The following ZNF10 variants were observed in gnomAD, a reference collection of about 807,000 sequenced individuals.
The protein encoded by ZNF10 is zinc finger protein 10 (KOX 1).
In ZNF10, 8 loss-of-function variants were observed where a neutral mutation model predicts 12.2. The observed-to-expected ratio is 0.66, with a 90% CI of 0.39 to 1.18. The LOEUF (loss-of-function observed/expected upper bound fraction) is 1.18, where lower values mean the gene tolerates loss of function less well. Ranked by LOEUF, ZNF10 falls within the 50% of genes most tolerant of loss-of-function variation. The probability of loss-of-function intolerance (pLI) is 0.01; values close to 1 mark genes in which losing one functional copy is unlikely to be tolerated. For missense variants in ZNF10, 603 were observed against 678.9 expected (o/e 0.89, Z 1.24); for synonymous variants, 229 against 228.2 (o/e 1.00, Z -0.03).
chr12:133,155,663 T>C lies in ZNF10; in HGVS notation c.417T>C (p.Tyr139=), dbSNP rs1274623352. The change falls in exon 5 of 5, where the codon TAT becomes TAC. Residue 139 remains tyrosine (Y), a synonymous_variant. Transcript: ENST00000248211. ...AATGTAGAGACCAGTTAGACAAGTA[T>C]CAGGAAAACCCAGAGAGACATTTGA... is the stretch of plus-strand genomic sequence containing the variant. ...VWKCRDQLDK[Y]QENPERHLRQ... 2 of 1,613,756 alleles carry C rather than the reference T, an allele frequency of 1.2e-6. No individual in the cohort carries two copies. Among genetic ancestry groups the C allele is most frequent in the Non-Finnish European group, 1.7e-6 (2 of 1,179,906 alleles).
intron 1 of ZNF10, among the ~76,000 whole-genome samples, chr12:133,133,554 A>G (rs1955892827): frequency 6.6e-6 from 1 of 152,246 alleles, no homozygotes; most frequent in Admixed American, 6.5e-5. Context: ...GGAATAGGGC[A>G]TGGGCAGAGT....
chr12:133,144,429 C>G lies in ZNF10; in HGVS notation c.-59-5C>G, dbSNP rs975714176. 2.6e-5 allele frequency: 40 copies of G among 1,552,982 alleles called. No homozygotes were observed. In the African/African-American group the frequency reaches 5.2e-4, roughly 20 times the overall value. On this transcript the variant is annotated splice_polypyrimidine_tract_variant and splice_region_variant and intron_variant, in intron 1 of 4. Coordinates refer to ENST00000248211, the MANE Select transcript of ZNF10 (RefSeq NM_015394.5). ...ACTTAACTTATGTTTCTTTCTTTTT[C>G]CCAGCTTTGTCTCCTCAGCACTCTG... is the stretch of plus-strand genomic sequence containing the variant.
At chr12:133,152,273 C>T (rs112278581) in intron 4 of ZNF10, among the ~76,000 whole-genome samples, 2,231 of 152,292 alleles carry the variant, frequency 0.015, 21 homozygotes, top group South Asian at 0.042. Context: ...TGGAGTGGGA[C>T]TCTTATCACC....
rs1409712098 is a variant in ZNF10, at chr12:133,157,793, C to T, written c.*825C>T. 1 of 152,100 alleles carries T rather than the reference C, an allele frequency of 6.6e-6. No individual in the cohort carries two copies. Among genetic ancestry groups the T allele is most frequent in the African/African-American group, 2.4e-5 (1 of 41,414 alleles). 9.4% of individuals were successfully genotyped at this position (152,100 alleles called of 1,614,324 possible). On this transcript the variant is annotated 3_prime_UTR_variant, in exon 5 of 5. Coordinates refer to ENST00000248211, the MANE Select transcript of ZNF10 (RefSeq NM_015394.5). Reference sequence around the variant, plus strand: ...CTAAATTGTTTTGGGTCACAGAGTTCCACTTTTTCCACTCTTATTAGCACT... The same window carrying T: ...CTAAATTGTTTTGGGTCACAGAGTTTCACTTTTTCCACTCTTATTAGCACT...
intron 4 of ZNF10, 148 bp from the exon 5 acceptor site, chr12:133,155,355 A>G: frequency 2.2e-6 from 2 of 897,080 alleles, no homozygotes; most frequent in South Asian, 1.9e-5. Context: ...TTACCGCTCC[A>G]TTCTTCCTTT....
chr12:133,155,763 T>C lies in ZNF10; in HGVS notation c.517T>C (p.Cys173Arg). The C allele has an allele frequency of 6.2e-7, 1 of 1,613,190 alleles. No homozygotes were observed. Among genetic ancestry groups the C allele is most frequent in the Non-Finnish European group, 8.5e-7 (1 of 1,179,736 alleles). Residue 173 changes from cysteine (C) to arginine (R), a missense_variant, in exon 5 of 5, where the codon TGT becomes CGT. Physicochemically the swap from Cys to Arg is radical, Grantham distance 180 (BLOSUM62 -3). This residue lies in a region of ZNF10 where 393 missense variants were observed against 399.7 expected (regional missense o/e 0.98). Transcript: ENST00000248211. ...TGAAAGTGGTAAATATGGGGGAAAC[T>C]GTCTTCTTCCTGCTCAGCTAGTACT... Reference protein sequence around the residue: ...VSESGKYGGNCLLPAQLVLRE... With the variant: ...VSESGKYGGNRLLPAQLVLRE...
In ZNF10 at chr12:133,156,638, T is replaced by G. The variant is rs1457765710; in HGVS notation, c.1392T>G (p.His464Gln). The change falls in exon 5 of 5, where the codon CAT (histidine) becomes CAG (glutamine). Residue 464 changes from histidine to glutamine, a missense_variant. Coordinates refer to ENST00000248211, the MANE Select transcript of ZNF10 (RefSeq NM_015394.5). ...THTGEKPYEC[H>Q]DCGKSFSQSS... ...CTGGAGAGAAACCATATGAGTGTCA[T>G]GATTGTGGAAAATCTTTCAGCCAGA... 4.3e-6 allele frequency: 7 copies of G among 1,614,120 alleles called. No individual in the cohort carries two copies. Among genetic ancestry groups the G allele is most frequent in the Non-Finnish European group, 5.9e-6 (7 of 1,180,010 alleles).
chr12:133,144,617 C>A, intron 2 of ZNF10, 92 bp downstream of exon 2: 1 of 1,290,678 alleles, frequency 7.7e-7, no homozygotes, highest in Non-Finnish European at 1.1e-6. Flanking sequence ...ATCTTCTTCT[C>A]CAGCAGACTA....
intron 1 of ZNF10, among the ~76,000 whole-genome samples, chr12:133,133,822 C>G (rs1955894553): frequency 6.6e-6 from 1 of 152,238 alleles, no homozygotes; most frequent in African/African-American, 2.4e-5. Flanking sequence ...TTCAGCCCAT[C>G]TCTGCCCTTG....
At chr12:133,139,606 A>G (rs1002738683) in intron 1 of ZNF10, among the ~76,000 whole-genome samples, 1 of 152,206 alleles carries the variant, frequency 6.6e-6, no homozygotes, top group Non-Finnish European at 1.5e-5. Context: ...GACCAAAGGC[A>G]AAGAAGTCAA....
intron 1 of ZNF10, chr12:133,139,157 C>T (rs1955929884): frequency 6.6e-6 from 1 of 152,168 alleles, no homozygotes; most frequent in Non-Finnish European, 1.5e-5. Context: ...GTGGATCTCT[C>T]TTGCTGTACT....
chr12:133,154,116 C>CGG (rs140117648), intron 4 of ZNF10, among the ~76,000 whole-genome samples: 33 of 146,358 alleles, frequency 2.3e-4, no homozygotes, highest in African/African-American at 7.3e-4. Context: ...ACCTTTTTGT[C>CGG]GGCGGGGGGG....
At chr12:133,138,148 C>T (rs1042918792) in intron 1 of ZNF10, among the ~76,000 whole-genome samples, 13 of 151,904 alleles carry the variant, frequency 8.6e-5, no homozygotes, top group Non-Finnish European at 1.6e-4. Flanking sequence ...GCAATTCCAG[C>T]GTGCAGCCAG....
chr12:133,144,540 C>T lies in ZNF10; in HGVS notation c.33+15C>T, dbSNP rs1955964868. 6.2e-7 allele frequency: 1 copy of T among 1,612,980 alleles called. No individual in the cohort carries two copies. Among genetic ancestry groups the T allele is most frequent in the African/African-American group, 1.3e-5 (1 of 74,886 alleles). ...CCTGGTCCCGGGTAAGCTGGGCTTTCTTCCCAGTTTCCAACTGGGAATTCC... is the reference window on the plus strand; with the variant it reads ...CCTGGTCCCGGGTAAGCTGGGCTTTTTTCCCAGTTTCCAACTGGGAATTCC... On this transcript the variant is annotated intron_variant, in intron 2 of 4. Coordinates refer to ENST00000248211, the MANE Select transcript of ZNF10 (RefSeq NM_015394.5).
In ZNF10 at chr12:133,157,036, T is replaced by A; in HGVS notation, c.*68T>A. On this transcript the variant is annotated 3_prime_UTR_variant, in exon 5 of 5. Transcript: ENST00000248211. ...CATTGGAGAACTCCTGGAGATAAGCTGTACAAATTGAATCTATGTGGAAAT... is the reference window on the plus strand; with the variant it reads ...CATTGGAGAACTCCTGGAGATAAGCAGTACAAATTGAATCTATGTGGAAAT... The A allele has an allele frequency of 7.7e-7, 1 of 1,297,718 alleles. No homozygotes were observed. The highest frequency in any genetic ancestry group is 1.0e-6 in the Non-Finnish European group (1 of 997,808). 80.4% of individuals were successfully genotyped at this position (1,297,718 alleles called of 1,614,324 possible).
At chr12:133,154,791 A>C (rs1956029118) in intron 4 of ZNF10, among the ~76,000 whole-genome samples, 1 of 152,142 alleles carries the variant, frequency 6.6e-6, no homozygotes, top group Non-Finnish European at 1.5e-5. Context: ...AGAATACTAA[A>C]TTGGGCCGGA....
chr12:133,140,346 C>G (rs1012240696), intron 1 of ZNF10, among the ~76,000 whole-genome samples: 1 of 150,682 alleles, frequency 6.6e-6, no homozygotes, highest in Non-Finnish European at 1.5e-5. Flanking sequence ...CCACCGCACT[C>G]CGGCCTAGGT....
At chr12:133,144,279 C>T (rs11147253) in intron 1 of ZNF10, 155 bp from the exon 2 acceptor site, 104,851 of 413,134 alleles carry the variant, frequency 0.25, 14,673 homozygotes, top group Non-Finnish European at 0.29. Context: ...TGGGGAGCTT[C>T]GGGCACTGTA....
intron 1 of ZNF10, among the ~76,000 whole-genome samples, chr12:133,142,580 G>A (rs1385510105): frequency 6.6e-6 from 1 of 152,076 alleles, no homozygotes; most frequent in Non-Finnish European, 1.5e-5. Flanking sequence ...CACATGGCTA[G>A]TAAGCACATG....
Sources: gnomAD v4.1 joint callset for allele counts (sites outside exome capture counted in the v4.1 genomes callset) on GRCh38, gnomAD v4.1.1 for gene constraint, gnomAD v4.1.1 regional missense constraint, MANE v1.5 for transcripts, NCBI Gene and HGNC (gene_info 2026-07-23, HGNC 2026-07-21) for gene names.